The following RAB38 variants were observed in gnomAD, a reference collection of about 807,000 sequenced individuals.
RAB38 encodes ras-related protein Rab-38.
RAB38 carries 15 observed loss-of-function variants against 18.4 expected under a neutral mutation model. The ratio of observed to expected loss-of-function variants is 0.82; its 90% CI spans 0.55 to 1.26. The LOEUF is 1.26. Ranked by LOEUF, RAB38 falls within the 50% of genes most tolerant of loss-of-function variation. RAB38 has a pLI of 0.00. For missense variants in RAB38, 294 were observed against 267.4 expected (o/e 1.10, Z -0.69); for synonymous variants, 101 against 104.4 (o/e 0.97, Z 0.20).
the RAB38 span, among the ~76,000 whole-genome samples, chr11:88,091,950 G>A: frequency 6.6e-6 from 1 of 151,820 alleles, no homozygotes; most frequent in Admixed American, 6.6e-5. Flanking sequence ...AAATTGAGGG[G>A]TAGGTTATTT....
At chr11:87,928,380 G>A in the RAB38 span, among the ~76,000 whole-genome samples, 1 of 151,928 alleles carries the variant, frequency 6.6e-6, no homozygotes, top group Non-Finnish European at 1.5e-5. Context: ...TGAAAAAATG[G>A]AAAGTTCTTT....
chr11:88,120,428 C>T (rs1942615139), intron 2 of RAB38, among the ~76,000 whole-genome samples: 3 of 152,138 alleles, frequency 2.0e-5, no homozygotes, highest in Non-Finnish European at 2.9e-5. Context: ...TTGTACTTTA[C>T]CATGGTATCT....
At chr11:87,935,183 C>A in the RAB38 span, among the ~76,000 whole-genome samples, 2 of 152,004 alleles carry the variant, frequency 1.3e-5, no homozygotes, top group Non-Finnish European at 2.9e-5. Context: ...ATTAGATATC[C>A]TTTTAAAAAA....
At chr11:88,103,582 A>C in the RAB38 span, among the ~76,000 whole-genome samples, 1 of 152,114 alleles carries the variant, frequency 6.6e-6, no homozygotes, top group Non-Finnish European at 1.5e-5. Flanking sequence ...CTAGCACCAG[A>C]TCACGCTTTA....
the RAB38 span, among the ~76,000 whole-genome samples, chr11:88,026,759 T>A: frequency 2.0e-5 from 3 of 151,102 alleles, no homozygotes; most frequent in East Asian, 6.0e-4. Context: ...TCAAAAGCCA[T>A]TTTACAACCA....
chr11:88,097,953 T>C, the RAB38 span: 1 of 151,974 alleles, frequency 6.6e-6, no homozygotes, highest in Non-Finnish European at 1.5e-5. Context: ...TTACTGCTCA[T>C]GCTTCTCTTC....
the RAB38 span, among the ~76,000 whole-genome samples, chr11:88,014,443 C>G: frequency 1.3e-5 from 2 of 152,024 alleles, no homozygotes; most frequent in Admixed American, 6.6e-5. Flanking sequence ...TATTATTATC[C>G]TAATTTAAGA....
the RAB38 span, among the ~76,000 whole-genome samples, chr11:87,846,098 C>G: frequency 3.3e-5 from 5 of 151,788 alleles, no homozygotes; most frequent in Non-Finnish European, 7.4e-5. Context: ...TAAATCAAAT[C>G]AAAACACAAA....
the RAB38 span, among the ~76,000 whole-genome samples, chr11:88,009,037 A>G: frequency 2.0e-5 from 3 of 152,212 alleles, no homozygotes; most frequent in Admixed American, 6.5e-5. Flanking sequence ...AAAAATACAA[A>G]AACAAAAACC....
At chr11:87,834,848 A>G in the RAB38 span, among the ~76,000 whole-genome samples, 2 of 152,218 alleles carry the variant, frequency 1.3e-5, no homozygotes, top group African/African-American at 4.8e-5. Context: ...GCATAATACT[A>G]GAGCAGTGCC....
the RAB38 span, among the ~76,000 whole-genome samples, chr11:88,044,420 C>T: frequency 2.6e-5 from 4 of 152,126 alleles, no homozygotes; most frequent in Admixed American, 2.6e-4. Context: ...CAGCCTTCCA[C>T]CCTCCATTCC....
the RAB38 span, among the ~76,000 whole-genome samples, chr11:87,976,588 A>C: frequency 8.9e-6 from 1 of 112,200 alleles, no homozygotes; most frequent in East Asian, 2.4e-4. Context: ...TATATATTTT[A>C]TATACTGTCT....
the RAB38 span, among the ~76,000 whole-genome samples, chr11:88,072,823 T>C: frequency 6.6e-6 from 1 of 152,112 alleles, no homozygotes; most frequent in African/African-American, 2.4e-5. Flanking sequence ...AAAAGACTTC[T>C]GGTTCCAAAA....
the RAB38 span, among the ~76,000 whole-genome samples, chr11:87,969,058 T>C: frequency 6.6e-6 from 1 of 152,190 alleles, no homozygotes; most frequent in Non-Finnish European, 1.5e-5. Flanking sequence ...TCTAAGGGTA[T>C]GTGTTAATCA....
At chr11:87,877,919 A>T in the RAB38 span, among the ~76,000 whole-genome samples, 1 of 151,460 alleles carries the variant, frequency 6.6e-6, no homozygotes, top group African/African-American at 2.4e-5. Flanking sequence ...ACTAATTTAT[A>T]TTATAATAGC....
At chr11:88,101,705 T>TA in the RAB38 span, among the ~76,000 whole-genome samples, 2 of 151,888 alleles carry the variant, frequency 1.3e-5, no homozygotes, top group South Asian at 4.1e-4. Context: ...TTTCACACTA[T>TA]AAAAAATGTT....
chr11:87,868,608 A>AGAGAGAGAGAGAAAAG, the RAB38 span, among the ~76,000 whole-genome samples: 1 of 102,988 alleles, frequency 9.7e-6, no homozygotes, highest in Non-Finnish European at 1.9e-5. Context: ...AGAGAGAGAG[A>AGAGAGAGAGAGAAAAG]GAGAGAGAGA....
the RAB38 span, among the ~76,000 whole-genome samples, chr11:87,849,732 CT>C: frequency 6.6e-6 from 1 of 152,244 alleles, no homozygotes; most frequent in African/African-American, 2.4e-5. Flanking sequence ...CATCCAGAAA[CT>C]TCCCTGAATA....
the RAB38 span, among the ~76,000 whole-genome samples, chr11:87,852,335 G>A: frequency 6.6e-6 from 1 of 152,178 alleles, no homozygotes; most frequent in Non-Finnish European, 1.5e-5. Flanking sequence ...TTTTGGAGTA[G>A]TAAGTAGTAC....
Sources: allele counts gnomAD v4.1 joint callset (sites outside exome capture counted in the v4.1 genomes callset), GRCh38; gene constraint gnomAD v4.1.1; transcripts MANE v1.5; gene names NCBI Gene and HGNC (gene_info 2026-07-23, HGNC 2026-07-21).